The following TTC27 variants were observed in gnomAD, a reference collection of about 807,000 sequenced individuals.
The protein encoded by TTC27 is tetratricopeptide repeat protein 27.
Under a neutral mutation model 115.9 loss-of-function variants are expected in TTC27, and 79 were observed. The ratio of observed to expected loss-of-function variants is 0.68; its 90% CI spans 0.57 to 0.82. TTC27 has a LOEUF of 0.82. Ranked by LOEUF, TTC27 falls within the 40% of genes least tolerant of loss-of-function variation. TTC27 has a pLI of 0.00. For synonymous variants in TTC27, 401 were observed against 356.0 expected (o/e 1.13, Z -1.42); for missense variants, 1,054 against 993.1 (o/e 1.06, Z -0.82).
Position 32,650,189 on chromosome 2 carries a change from G to C in TTC27, c.596G>C (p.Arg199Pro). 6.2e-7 allele frequency: 1 copy of C among 1,613,782 alleles called. No homozygotes were observed. The highest frequency in any genetic ancestry group is 8.5e-7 in the Non-Finnish European group (1 of 1,179,876). The change falls in exon 5 of 20, where the codon CGC becomes CCC. Residue 199 changes from arginine to proline, a missense_variant. By Grantham distance (103) the Arg-to-Pro change is moderately radical. Coordinates refer to ENST00000317907, the MANE Select transcript of TTC27 (RefSeq NM_017735.5). ...ATTCATCAGCATTTGCTTGAGGAACGCTCACCTCTGCTTTTTACTCTTGCC... is the reference window on the plus strand; with the variant it reads ...ATTCATCAGCATTTGCTTGAGGAACCCTCACCTCTGCTTTTTACTCTTGCC... ...VNIHQHLLEE[R>P]SPLLFTLAEN... is the part of the protein sequence containing the mutation.
intron 4 of TTC27, among the ~76,000 whole-genome samples, chr2:32,646,992 T>G (rs890821815): frequency 6.6e-6 from 1 of 151,618 alleles, no homozygotes; most frequent in African/African-American, 2.4e-5. Context: ...TTTTTTTTTT[T>G]AGAGTCAGAG....
chr2:32,646,610 C>A (rs1441077972), intron 4 of TTC27, among the ~76,000 whole-genome samples: 2 of 135,412 alleles, frequency 1.5e-5, no homozygotes, highest in Non-Finnish European at 3.1e-5. Flanking sequence ...GTCTCCCAGG[C>A]TGGAGTGCAG....
intron 12 of TTC27, among the ~76,000 whole-genome samples, chr2:32,757,478 C>T (rs1310391067): frequency 1.3e-5 from 2 of 152,182 alleles, no homozygotes; most frequent in Non-Finnish European, 2.9e-5. Flanking sequence ...TATTACACTT[C>T]ACTTTATAGC....
chr2:32,632,838 T>C (rs1664267217), intron 2 of TTC27, among the ~76,000 whole-genome samples: 1 of 152,204 alleles, frequency 6.6e-6, no homozygotes, highest in Admixed American at 6.5e-5. Flanking sequence ...AATTTAGGGT[T>C]TGGCACATTA....
chr2:32,629,141 G>T (rs1033172442), intron 1 of TTC27, among the ~76,000 whole-genome samples: 7 of 151,548 alleles, frequency 4.6e-5, no homozygotes, highest in Non-Finnish European at 8.8e-5. Flanking sequence ...TTTTTGGGGG[G>T]ATGGAGTCTC....
chr2:32,760,808 A>G (rs1345511269), intron 13 of TTC27, among the ~76,000 whole-genome samples: 1 of 152,162 alleles, frequency 6.6e-6, no homozygotes, highest in Non-Finnish European at 1.5e-5. Context: ...CCTCACAGAC[A>G]TGAATTGTTC....
chr2:32,718,549 T>A (rs1199424563), intron 10 of TTC27, among the ~76,000 whole-genome samples: 1 of 152,272 alleles, frequency 6.6e-6, no homozygotes, highest in Non-Finnish European at 1.5e-5. Context: ...GTGAATTATC[T>A]GTCCTCAGGT....
intron 10 of TTC27, among the ~76,000 whole-genome samples, chr2:32,725,199 C>T (rs565746069): frequency 1.3e-5 from 2 of 152,272 alleles, no homozygotes; most frequent in African/African-American, 2.4e-5. Flanking sequence ...CTCATGTCCT[C>T]ACATTTCAAA....
chr2:32,628,543 CACTT>C (rs1286803272), intron 1 of TTC27, among the ~76,000 whole-genome samples, 163 bp downstream of exon 1: 3 of 152,162 alleles, frequency 2.0e-5, no homozygotes, highest in African/African-American at 7.2e-5. Context: ...GCGTGGTCCT[CACTT>C]TCTTTGCGCA....
At chr2:32,665,317 A>G (rs1665730206) in intron 6 of TTC27, among the ~76,000 whole-genome samples, 1 of 152,202 alleles carries the variant, frequency 6.6e-6, no homozygotes, top group Admixed American at 6.5e-5. Flanking sequence ...CTGGCCAAGT[A>G]TAAGTTGGAA....
intron 12 of TTC27, among the ~76,000 whole-genome samples, chr2:32,737,930 C>A (rs116731386): frequency 0.013 from 2,050 of 152,124 alleles, 39 homozygotes; most frequent in African/African-American, 0.048. Flanking sequence ...GGAGGATGAT[C>A]ACTTGGGCCT....
intron 5 of TTC27, among the ~76,000 whole-genome samples, chr2:32,651,071 A>G (rs1665105754): frequency 6.6e-6 from 1 of 152,200 alleles, no homozygotes; most frequent in Non-Finnish European, 1.5e-5. Context: ...AACGTAAATG[A>G]ACTTGGACTT....
At chr2:32,732,890 A>C (rs1396672560) in intron 10 of TTC27, among the ~76,000 whole-genome samples, 1 of 152,256 alleles carries the variant, frequency 6.6e-6, no homozygotes, top group Non-Finnish European at 1.5e-5. Flanking sequence ...TGAGTACTGC[A>C]TTGTAGAAAA....
At chr2:32,775,550 A>T (rs1278359698) in intron 13 of TTC27, among the ~76,000 whole-genome samples, 1 of 152,140 alleles carries the variant, frequency 6.6e-6, no homozygotes, top group African/African-American at 2.4e-5. Flanking sequence ...TTCTTTGCTG[A>T]TGCAGAAAAC....
intron 9 of TTC27, among the ~76,000 whole-genome samples, chr2:32,700,449 G>T (rs1269847361): frequency 1.3e-5 from 2 of 152,026 alleles, no homozygotes; most frequent in Non-Finnish European, 2.9e-5. Flanking sequence ...TTAATAAGAT[G>T]AAAAGAAAAT....
intron 5 of TTC27, among the ~76,000 whole-genome samples, chr2:32,658,834 T>G (rs150577679): frequency 6.6e-6 from 1 of 152,356 alleles, no homozygotes; most frequent in African/African-American, 2.4e-5. Context: ...TTTTACTAGG[T>G]TATTATCCTC....
intron 12 of TTC27, among the ~76,000 whole-genome samples, chr2:32,750,094 G>A (rs1668957976): frequency 6.6e-6 from 1 of 152,196 alleles, no homozygotes; most frequent in Non-Finnish European, 1.5e-5. Flanking sequence ...TAGTCCACTT[G>A]AAACATTGGC....
At chr2:32,812,637 A>G in intron 18 of TTC27, 22 bp downstream of exon 18, 2 of 1,552,202 alleles carry the variant, frequency 1.3e-6, no homozygotes, top group Non-Finnish European at 1.8e-6. Flanking sequence ...AACATTTGAT[A>G]TCCATGGAAT....
chr2:32,774,019 G>C (rs1369335712), intron 13 of TTC27, among the ~76,000 whole-genome samples: 1 of 152,150 alleles, frequency 6.6e-6, no homozygotes, highest in Non-Finnish European at 1.5e-5. Flanking sequence ...TCACAAATTT[G>C]TGTTGAATTC....
Sources: allele counts gnomAD v4.1 joint callset (sites outside exome capture counted in the v4.1 genomes callset), GRCh38; gene constraint gnomAD v4.1.1; transcripts MANE v1.5; gene names NCBI Gene and HGNC (gene_info 2026-07-23, HGNC 2026-07-21).